Variants in SLC25A21 observed in about 807,000 individuals in gnomAD.
SLC25A21 encodes mitochondrial 2-oxodicarboxylate carrier.
In SLC25A21, 47 loss-of-function variants were observed where a neutral mutation model predicts 43.8. That is an observed-to-expected ratio of 1.07 (90% CI 0.85 to 1.37). SLC25A21 has a LOEUF of 1.37. Ranked by LOEUF, SLC25A21 falls within the 40% of genes most tolerant of loss-of-function variation. The probability of loss-of-function intolerance (pLI) is 0.00; values close to 1 mark genes in which losing one functional copy is unlikely to be tolerated. For synonymous variants in SLC25A21, 131 were observed against 121.3 expected (o/e 1.08, Z -0.52); for missense variants, 352 against 350.2 (o/e 1.00, Z -0.04).
intron 5 of SLC25A21, among the ~76,000 whole-genome samples, chr14:36,728,473 T>A (rs1884686437): frequency 1.3e-5 from 2 of 152,138 alleles, no homozygotes; most frequent in African/African-American, 4.8e-5. Context: ...TGCCAAAGAA[T>A]TAAAAGGAAA....
At chr14:36,750,776 T>C (rs916424645) in intron 3 of SLC25A21, among the ~76,000 whole-genome samples, 2 of 152,188 alleles carry the variant, frequency 1.3e-5, no homozygotes, top group Non-Finnish European at 2.9e-5. Flanking sequence ...CAGATGACTA[T>C]CTGTTAGGAA....
chr14:37,012,487 A>G (rs1449246423), intron 1 of SLC25A21, among the ~76,000 whole-genome samples: 1 of 152,206 alleles, frequency 6.6e-6, no homozygotes, highest in Admixed American at 6.5e-5. Context: ...ATGCCCATAA[A>G]TAGTATAACC....
At chr14:36,684,465 G>A (rs548239770) in intron 8 of SLC25A21, among the ~76,000 whole-genome samples, 105 of 152,236 alleles carry the variant, frequency 6.9e-4, no homozygotes, top group African/African-American at 2.2e-3. Context: ...ATATTAGAAG[G>A]ACATATACAA....
intron 7 of SLC25A21, among the ~76,000 whole-genome samples, chr14:36,699,543 C>T (rs1883187209): frequency 6.6e-6 from 1 of 152,190 alleles, no homozygotes; most frequent in Non-Finnish European, 1.5e-5. Context: ...TTCAGCTATG[C>T]CTTACCCACA....
At chr14:37,139,375 CATTA>C (rs1256807684) in intron 1 of SLC25A21, among the ~76,000 whole-genome samples, 1 of 152,076 alleles carries the variant, frequency 6.6e-6, no homozygotes, top group African/African-American at 2.4e-5. Context: ...ACTTTATTGA[CATTA>C]AGTTAAAATA....
chr14:36,764,188 G>GAA (rs1475469485), intron 3 of SLC25A21, among the ~76,000 whole-genome samples: 38 of 86,052 alleles, frequency 4.4e-4, no homozygotes, highest in African/African-American at 1.8e-3. Context: ...AAGAAAGAAA[G>GAA]AAAGAGAAAG....
At chr14:36,928,631 T>C (rs1341091302) in intron 1 of SLC25A21, among the ~76,000 whole-genome samples, 2 of 152,172 alleles carry the variant, frequency 1.3e-5, no homozygotes, top group African/African-American at 4.8e-5. Context: ...TCATAACAGC[T>C]TAAATTGTGA....
chr14:36,709,203 TAC>T (rs1215707835), intron 7 of SLC25A21, among the ~76,000 whole-genome samples: 1 of 152,142 alleles, frequency 6.6e-6, no homozygotes, highest in Non-Finnish European at 1.5e-5. Context: ...GTGGTTGTCT[TAC>T]AGTCTGAAAA....
intron 1 of SLC25A21, among the ~76,000 whole-genome samples, chr14:36,950,558 A>C (rs1892784563): frequency 6.6e-6 from 1 of 152,190 alleles, no homozygotes; most frequent in Non-Finnish European, 1.5e-5. Context: ...ACTAAGAGAA[A>C]ATAAATTTCT....
At chr14:37,164,664 G>A (rs1352453356) in intron 1 of SLC25A21, among the ~76,000 whole-genome samples, 1 of 152,116 alleles carries the variant, frequency 6.6e-6, no homozygotes, top group Admixed American at 6.5e-5. Flanking sequence ...TATTTTAACT[G>A]TATTTTAACT....
intron 1 of SLC25A21, among the ~76,000 whole-genome samples, chr14:37,018,522 C>A (rs1010642434): frequency 6.6e-6 from 1 of 152,024 alleles, no homozygotes; most frequent in South Asian, 2.1e-4. Flanking sequence ...TCAGGAACAT[C>A]TCCTCTTTCG....
At chr14:36,829,159 A>T (rs1462535812) in intron 2 of SLC25A21, among the ~76,000 whole-genome samples, 1 of 151,936 alleles carries the variant, frequency 6.6e-6, no homozygotes, top group East Asian at 1.9e-4. Context: ...CTCCCTCCCA[A>T]GGTGCTGGGA....
chr14:36,741,635 C>T (rs1024058270), intron 3 of SLC25A21, among the ~76,000 whole-genome samples: 3 of 152,126 alleles, frequency 2.0e-5, no homozygotes, highest in African/African-American at 7.2e-5. Flanking sequence ...CTGAAAATAT[C>T]AATTACAGAA....
intron 1 of SLC25A21, among the ~76,000 whole-genome samples, chr14:37,135,248 A>C (rs532024269): frequency 2.4e-4 from 36 of 151,496 alleles, no homozygotes; most frequent in African/African-American, 7.8e-4. Flanking sequence ...TATCTTTTAA[A>C]ATTAGCTGGG....
At chr14:36,838,454 A>G (rs1889282131) in intron 2 of SLC25A21, among the ~76,000 whole-genome samples, 1 of 152,112 alleles carries the variant, frequency 6.6e-6, no homozygotes, top group Non-Finnish European at 1.5e-5. Flanking sequence ...TTCTACTAAG[A>G]TTGTGTATCT....
intron 3 of SLC25A21, among the ~76,000 whole-genome samples, chr14:36,789,403 T>C (rs1887364304): frequency 6.6e-6 from 1 of 152,096 alleles, no homozygotes; most frequent in African/African-American, 2.4e-5. Context: ...TTGCCATTTC[T>C]TTCTAAGAAA....
intron 6 of SLC25A21, among the ~76,000 whole-genome samples, chr14:36,724,724 A>C (rs1884521373): frequency 6.6e-6 from 1 of 152,198 alleles, no homozygotes; most frequent in Non-Finnish European, 1.5e-5. Context: ...CAATGATGAA[A>C]TGTCAAGACC....
chr14:36,987,513 G>A (rs1566794025), intron 1 of SLC25A21, among the ~76,000 whole-genome samples: 2 of 152,008 alleles, frequency 1.3e-5, no homozygotes, highest in African/African-American at 4.8e-5. Context: ...CACTTACATG[G>A]TTTATTTTCA....
intron 2 of SLC25A21, among the ~76,000 whole-genome samples, chr14:36,848,586 C>T (rs1445012902): frequency 6.6e-6 from 1 of 152,158 alleles, no homozygotes; most frequent in East Asian, 1.9e-4. Flanking sequence ...AGCAGGGTCT[C>T]ATCTACTCTC....
Sources: allele counts gnomAD v4.1 joint callset (sites outside exome capture counted in the v4.1 genomes callset), GRCh38; gene constraint gnomAD v4.1.1; transcripts MANE v1.5; gene names NCBI Gene and HGNC (gene_info 2026-07-23, HGNC 2026-07-21).